Variants in PCDH7 observed in about 807,000 individuals in gnomAD.
PCDH7 encodes protocadherin 7.
A neutral mutation model predicts 58.9 loss-of-function variants in PCDH7; 17 were observed. That is an observed-to-expected ratio of 0.29 (90% CI 0.20 to 0.43). The LOEUF is 0.43. Ranked by LOEUF, PCDH7 falls within the 20% of genes least tolerant of loss-of-function variation. The pLI, the probability that PCDH7 is intolerant of heterozygous loss-of-function variation, is 1.00. For synonymous variants in PCDH7, 664 were observed against 616.4 expected, an observed-to-expected ratio of 1.08 and a Z score of -1.14; for missense variants, 1,274 against 1,441.0, an observed-to-expected ratio of 0.88 and a Z score of 1.88.
intron 1 of PCDH7, among the ~76,000 whole-genome samples, chr4:30,744,938 T>C (rs1414325847): frequency 6.6e-6 from 1 of 152,240 alleles, no homozygotes; most frequent in Non-Finnish European, 1.5e-5. Flanking sequence ...TTATTCACTG[T>C]AACTGTTCAC....
At chr4:30,732,897 T>C (rs1288992043) in exon 2 of PCDH7, 5 of 152,202 alleles carry the variant, frequency 3.3e-5, no homozygotes, top group Non-Finnish European at 7.3e-5. Flanking sequence ...GCAACATTTA[T>C]CAACAGTAAA....
At chr4:30,893,510 C>T (rs1738883313) in intron 1 of PCDH7, among the ~76,000 whole-genome samples, 1 of 152,078 alleles carries the variant, frequency 6.6e-6, no homozygotes, top group African/African-American at 2.4e-5. Context: ...TCACTTATGG[C>T]TATTACCACT....
intron 1 of PCDH7, among the ~76,000 whole-genome samples, chr4:30,874,420 C>T (rs183995330): frequency 1.3e-5 from 2 of 152,042 alleles, no homozygotes; most frequent in Admixed American, 1.3e-4. Context: ...AATCATCCTT[C>T]TCAGTAAACT....
chr4:31,123,232 C>T (rs1280987107), intron 3 of PCDH7, among the ~76,000 whole-genome samples: 1 of 152,006 alleles, frequency 6.6e-6, no homozygotes, highest in Admixed American at 6.6e-5. Flanking sequence ...AAGGTTTTGA[C>T]ACCTTTAATT....
At chr4:30,813,816 A>G (rs1425886613) in intron 1 of PCDH7, among the ~76,000 whole-genome samples, 1 of 152,072 alleles carries the variant, frequency 6.6e-6, no homozygotes, top group East Asian at 1.9e-4. Flanking sequence ...AAATTTTTGC[A>G]TTTTTAGTAG....
intron 3 of PCDH7, among the ~76,000 whole-genome samples, chr4:31,016,862 G>GC (rs1753652402): frequency 6.7e-6 from 1 of 149,388 alleles, no homozygotes; most frequent in East Asian, 2.0e-4. Flanking sequence ...GGGTGTGTGT[G>GC]TGTGCTGAGT....
intron 3 of PCDH7, among the ~76,000 whole-genome samples, chr4:31,078,484 C>CTTTTTTTT (rs999880241): frequency 1.4e-5 from 2 of 142,870 alleles, no homozygotes; most frequent in African/African-American, 5.2e-5. Context: ...TTTCTTTTTT[C>CTTTTTTTT]TTTTTTTTTT....
chr4:30,920,753 T>G (rs1225228461), intron 2 of PCDH7, among the ~76,000 whole-genome samples: 1 of 152,174 alleles, frequency 6.6e-6, no homozygotes, highest in Non-Finnish European at 1.5e-5. Flanking sequence ...CTGTCCAGTC[T>G]TAGTGAAAGG....
chr4:30,764,710 TTTG>T (rs1016623439), intron 1 of PCDH7, among the ~76,000 whole-genome samples: 16 of 16,640 alleles, frequency 9.6e-4, no homozygotes, highest in African/African-American at 8.4e-3. Flanking sequence ...ATGTTTGGTG[TTTG>T]TTTGTTTGTT....
chr4:30,730,607 A>G, intron 1 of PCDH7: 1 of 581,586 alleles, frequency 1.7e-6, no homozygotes, highest in Non-Finnish European at 3.0e-6. Flanking sequence ...AAGTGTATTT[A>G]TTATTTACAA....
chr4:30,763,935 A>T (rs1577702429), intron 1 of PCDH7, among the ~76,000 whole-genome samples: 1 of 152,194 alleles, frequency 6.6e-6, no homozygotes, highest in African/African-American at 2.4e-5. Context: ...CAACTGAAAG[A>T]GGTGCTACCA....
rs767196686 is a variant in PCDH7 at position 30,723,465 on chromosome 4, C to T, written c.2043C>T (p.Asn681=). The change falls in exon 1 of 2, where the codon AAC becomes AAT. Residue 681 remains asparagine, a synonymous_variant. Coordinates refer to ENST00000361762, the Ensembl canonical transcript of PCDH7. This position sits in a 1 kb window ranked among gnomAD's most constrained non-coding sequence, Gnocchi z 4.6. ...AGATGAGCCTGTACATAGAGGAGAA[C>T]AATAACATTTTTTCTATTGAAAATG... 1 of 1,614,046 alleles carries T rather than the reference C, an allele frequency of 6.2e-7. No homozygotes were observed. The highest frequency in any genetic ancestry group is 8.5e-7 in the Non-Finnish European group (1 of 1,179,968).
At chr4:31,101,006 T>C (rs922206842) in intron 3 of PCDH7, among the ~76,000 whole-genome samples, 1 of 152,114 alleles carries the variant, frequency 6.6e-6, no homozygotes, top group East Asian at 1.9e-4. Flanking sequence ...ATATTCAAAA[T>C]CACCAAAAAC....
At chr4:30,764,720 T>C (rs1398671166) in intron 1 of PCDH7, among the ~76,000 whole-genome samples, 3 of 151,652 alleles carry the variant, frequency 2.0e-5, no homozygotes, top group Non-Finnish European at 4.4e-5. Context: ...TTTGTTTGTT[T>C]GTTTGTTTGT....
At chr4:30,913,428 C>T (rs967250028) in intron 1 of PCDH7, among the ~76,000 whole-genome samples, 2 of 151,950 alleles carry the variant, frequency 1.3e-5, no homozygotes, top group Admixed American at 1.3e-4. Context: ...TTGTTTCAGT[C>T]TTCTAGTGAA....
intron 1 of PCDH7, 43 bp from the exon 2 acceptor site, chr4:30,920,110 C>T: frequency 8.4e-6 from 11 of 1,305,086 alleles, no homozygotes; most frequent in Non-Finnish European, 1.1e-5. Context: ...AGATCATTTA[C>T]AATCTTACAT....
chr4:31,055,440 A>G (rs1392859849), intron 3 of PCDH7, among the ~76,000 whole-genome samples: 2 of 152,154 alleles, frequency 1.3e-5, no homozygotes, highest in Non-Finnish European at 2.9e-5. Flanking sequence ...TTTTTAAAAA[A>G]TCTAGTTGTG....
At chr4:30,739,839 A>G (rs1035718930) in intron 1 of PCDH7, among the ~76,000 whole-genome samples, 7 of 152,238 alleles carry the variant, frequency 4.6e-5, no homozygotes, top group Non-Finnish European at 1.0e-4. Context: ...GAGAAAAAGT[A>G]GTAAATGAAA....
At chr4:30,909,419 T>C (rs1278331893) in intron 1 of PCDH7, among the ~76,000 whole-genome samples, 2 of 152,206 alleles carry the variant, frequency 1.3e-5, no homozygotes, top group Non-Finnish European at 2.9e-5. Context: ...CATGATTGTA[T>C]ATTTAGAAAA....
Sources: allele counts gnomAD v4.1 joint callset (sites outside exome capture counted in the v4.1 genomes callset), GRCh38; gene constraint gnomAD v4.1.1; non-coding constraint Gnocchi (gnomAD v3.1); transcripts MANE v1.5; gene names NCBI Gene and HGNC (gene_info 2026-07-23, HGNC 2026-07-21).